Variants in SUPT3H observed in about 807,000 individuals in gnomAD.
SUPT3H encodes the protein SPT3 homolog, SAGA and STAGA complex component, also known as transcription initiation protein SPT3 homolog.
SUPT3H carries 44 observed loss-of-function variants against 44.3 expected under a neutral mutation model. That is an observed-to-expected ratio of 0.99 (90% CI 0.78 to 1.28). The LOEUF (loss-of-function observed/expected upper bound fraction) is 1.28. SUPT3H is among the 50% of genes most tolerant of loss of function. The pLI is 0.00. For missense variants in SUPT3H, 380 were observed against 387.1 expected, an observed-to-expected ratio of 0.98 and a Z score of 0.15; for synonymous variants, 124 against 125.6, an observed-to-expected ratio of 0.99 and a Z score of 0.09.
chr6:45,073,874 T>G (rs1794689324), intron 3 of SUPT3H, among the ~76,000 whole-genome samples: 1 of 151,978 alleles, frequency 6.6e-6, no homozygotes, highest in Admixed American at 6.6e-5. Context: ...TCACTTCTTA[T>G]TGACAGAATT....
Position 45,282,966 on chromosome 6 carries a change from T to C in SUPT3H, c.101+82235A>G, listed in dbSNP as rs567215118. On this transcript the variant is annotated intron_variant, in intron 2 of 10. Coordinates refer to ENST00000371459, the MANE Select transcript of SUPT3H (RefSeq NM_003599.4). ...AAGGAAAAGAATTTTTAACCCAGAATTTCATATCCAGCCAAACTAAGCTTC... is the reference window on the plus strand; with the variant it reads ...AAGGAAAAGAATTTTTAACCCAGAACTTCATATCCAGCCAAACTAAGCTTC... Among the ~76,000 whole-genome samples the C allele has an allele frequency of 2.0e-5, 3 of 152,242 alleles. No homozygotes were observed. The South Asian group carries it at 6.2e-4, about 32-fold the overall frequency.
chr6:45,094,710 T>C (rs1797578101), intron 3 of SUPT3H, among the ~76,000 whole-genome samples: 1 of 152,138 alleles, frequency 6.6e-6, no homozygotes, highest in Non-Finnish European at 1.5e-5. Flanking sequence ...TTGTATTTAT[T>C]GATGCATGAG....
At chr6:45,008,046 T>C (rs1782966430) in intron 5 of SUPT3H, among the ~76,000 whole-genome samples, 1 of 152,210 alleles carries the variant, frequency 6.6e-6, no homozygotes. Context: ...AATATTCCTT[T>C]ATATGAATAT....
intron 3 of SUPT3H, among the ~76,000 whole-genome samples, chr6:45,051,824 G>A (rs1312887009): frequency 2.0e-5 from 3 of 152,152 alleles, no homozygotes; most frequent in East Asian, 3.8e-4. Flanking sequence ...GACAATGGGA[G>A]GTGGTGATTG....
At chr6:45,249,578 G>A (rs1350912361) in intron 2 of SUPT3H, among the ~76,000 whole-genome samples, 4 of 152,184 alleles carry the variant, frequency 2.6e-5, no homozygotes, top group African/African-American at 9.6e-5. Context: ...TCAAGAAGCT[G>A]TATGCCACAG....
chr6:45,113,883 G>A (rs560644233), intron 2 of SUPT3H, among the ~76,000 whole-genome samples: 1 of 150,702 alleles, frequency 6.6e-6, no homozygotes, highest in East Asian at 1.9e-4. Context: ...TTTCCTAGCA[G>A]TGATGATTTT....
At chr6:44,839,345 G>C (rs1044420282) in intron 10 of SUPT3H, among the ~76,000 whole-genome samples, 1 of 151,128 alleles carries the variant, frequency 6.6e-6, no homozygotes, top group Non-Finnish European at 1.5e-5. Context: ...ACTGGGTCTC[G>C]CCCAGGCTAG....
chr6:44,829,918 C>G lies in SUPT3H; in HGVS notation c.913-61G>C, dbSNP rs762005681. ...CATGAAGTCAAACAAGGAAAGGAGG[C>G]AAAAAGCAAGCAGAGCCCTCTTCCT... On this transcript the variant is annotated intron_variant, in intron 10 of 10. Coordinates refer to ENST00000371459, the MANE Select transcript of SUPT3H (RefSeq NM_003599.4). 3 of 1,520,502 alleles carry G rather than the reference C, an allele frequency of 2.0e-6. No homozygotes were observed. In the South Asian group the frequency reaches 3.4e-5, roughly 17 times the overall value. The allele number at this position is 1,520,502 out of a possible 1,614,324, so 94.2% of individuals were successfully genotyped here.
At chr6:45,354,308 CAT>C (rs1366536921) in intron 2 of SUPT3H, among the ~76,000 whole-genome samples, 1 of 151,908 alleles carries the variant, frequency 6.6e-6, no homozygotes, top group African/African-American at 2.4e-5. Context: ...GATCTGATAA[CAT>C]AGTTGTTCAC....
At chr6:45,012,958 T>A (rs2153512900) in intron 5 of SUPT3H, among the ~76,000 whole-genome samples, 2 of 152,164 alleles carry the variant, frequency 1.3e-5, no homozygotes, top group African/African-American at 4.8e-5. Flanking sequence ...ATGACTGTAG[T>A]TTTAGTCAGG....
At chr6:45,314,956 C>T (rs1237566197) in intron 2 of SUPT3H, among the ~76,000 whole-genome samples, 6 of 152,068 alleles carry the variant, frequency 3.9e-5, no homozygotes, top group Non-Finnish European at 8.8e-5. Flanking sequence ...ACCAATGGAA[C>T]AGAATAGAGA....
At chr6:45,043,483 A>T (rs1484967627) in intron 3 of SUPT3H, among the ~76,000 whole-genome samples, 1 of 152,168 alleles carries the variant, frequency 6.6e-6, no homozygotes, top group African/African-American at 2.4e-5. Flanking sequence ...CTCCTCAGGC[A>T]AAATTCCCAC....
At chr6:45,177,134 A>T (rs1328501824) in intron 2 of SUPT3H, among the ~76,000 whole-genome samples, 1 of 152,194 alleles carries the variant, frequency 6.6e-6, no homozygotes, top group Non-Finnish European at 1.5e-5. Flanking sequence ...CTACGGGCGG[A>T]CATTCAAACC....
chr6:45,163,367 G>T (rs1809349287), intron 2 of SUPT3H, among the ~76,000 whole-genome samples: 1 of 152,048 alleles, frequency 6.6e-6, no homozygotes, highest in African/African-American at 2.4e-5. Flanking sequence ...ATCTGGCCAA[G>T]AATACAGCCA....
intron 2 of SUPT3H, among the ~76,000 whole-genome samples, chr6:45,340,326 A>G (rs1360976237): frequency 6.6e-6 from 1 of 152,042 alleles, no homozygotes; most frequent in East Asian, 1.9e-4. Context: ...AGGTTTGTTA[A>G]GCCCCCTTCC....
chr6:44,993,776 T>C (rs12194924), intron 6 of SUPT3H, among the ~76,000 whole-genome samples: 30,533 of 152,112 alleles, frequency 0.2, 3,850 homozygotes, highest in Non-Finnish European at 0.29. Flanking sequence ...ATAAGTATTT[T>C]GAAATTGTTT....
At chr6:45,245,345 T>C (rs368353286) in intron 2 of SUPT3H, among the ~76,000 whole-genome samples, 3 of 152,106 alleles carry the variant, frequency 2.0e-5, no homozygotes, top group Non-Finnish European at 2.9e-5. Context: ...TTCAGTGACA[T>C]TAAGTACATT....
intron 10 of SUPT3H, among the ~76,000 whole-genome samples, chr6:44,845,995 C>T (rs1018777146): frequency 2.6e-5 from 4 of 152,134 alleles, no homozygotes; most frequent in African/African-American, 9.7e-5. Flanking sequence ...AAAAGAGCAC[C>T]CTGTAACACA....
intron 1 of SUPT3H, among the ~76,000 whole-genome samples, chr6:45,368,346 G>A (rs1213021256): frequency 2.0e-5 from 3 of 152,054 alleles, no homozygotes; most frequent in Admixed American, 6.6e-5. Context: ...CTGTAAAACT[G>A]TGTTCCAGAG....
Sources: allele counts gnomAD v4.1 joint callset (sites outside exome capture counted in the v4.1 genomes callset), GRCh38; gene constraint gnomAD v4.1.1; transcripts MANE v1.5; gene names NCBI Gene and HGNC (gene_info 2026-07-23, HGNC 2026-07-21).